The following OR11L1 variants were observed in gnomAD, a reference collection of about 807,000 sequenced individuals.
OR11L1 encodes olfactory receptor 11L1.
For missense variants in OR11L1, 397 were observed against 392.7 expected (o/e 1.01, Z -0.09); for synonymous variants, 164 against 159.1 (o/e 1.03, Z -0.23).
chr1:247,841,500 G>C lies in OR11L1; in HGVS notation c.397C>G (p.Pro133Ala), dbSNP rs1489354801. Residue 133 changes from proline to alanine, a missense_variant, in exon 1 of 1, where the codon CCC (proline) becomes GCC (alanine). Coordinates refer to ENST00000355784, the MANE Select transcript of OR11L1 (RefSeq NM_001001959.1). ...CAGAGCCCACGATGCATGAGGAAGGGGTAGCGGAGTGGGCTGCAGATGGCC... is the reference window on the plus strand; with the variant it reads ...CAGAGCCCACGATGCATGAGGAAGGCGTAGCGGAGTGGGCTGCAGATGGCC... Reference protein sequence around the residue: ...YLAICSPLRYPFLMHRGLCAR... With the variant: ...YLAICSPLRYAFLMHRGLCAR... The C allele has an allele frequency of 6.2e-7, 1 of 1,614,016 alleles. No homozygotes were observed.
At position 247,841,336 on chromosome 1, in the gene OR11L1, G is replaced by T. The variant is rs1413018370; in HGVS notation, c.561C>A (p.Leu187=). The T allele has an allele frequency of 5.0e-6, 8 of 1,614,012 alleles. No individual in the cohort carries two copies. The highest frequency in any genetic ancestry group is 1.1e-5 in the South Asian group (1 of 91,084). Residue 187 remains leucine, a synonymous_variant, in exon 1 of 1, where the codon CTC becomes CTA. Transcript: ENST00000355784. ...CGGTGATATAAACTCTGGAACAGGA[G>T]AGCTGCATGAGTGGCGGGAGGTCGC... is the stretch of plus-strand genomic sequence containing the variant. ...FFCDLPPLMQ[L]SCSRVYITEV... is the part of the protein sequence containing the mutation.
rs1409417230 is a variant in OR11L1 at position 247,841,690 on chromosome 1, C to G, written c.207G>C (p.Leu69=). Residue 69 remains leucine, a synonymous_variant, in exon 1 of 1, where the codon CTG becomes CTC. Coordinates refer to ENST00000355784, the MANE Select transcript of OR11L1 (RefSeq NM_001001959.1). ...CAGTGGTGGACGTGTACCAGACCTC[C>G]AGAAAGGAGAGATGCTGGAGGAACA... ...MYMFLQHLSF[L]EVWYTSTTVP... is the part of the protein sequence containing the mutation. 4 of 1,614,154 alleles carry G rather than the reference C, an allele frequency of 2.5e-6. No homozygotes were observed. The African/African-American group carries it at 4.0e-5, about 16-fold the overall frequency.
Position 247,841,423 on chromosome 1 carries a change from C to T in OR11L1, c.474G>A (p.Leu158=). 1 of 1,614,150 alleles carries T rather than the reference C, an allele frequency of 6.2e-7. No individual in the cohort carries two copies. Residue 158 remains leucine, a synonymous_variant, in exon 1 of 1, where the codon CTG becomes CTA. Transcript: ENST00000355784. ...SWCTGVSTGF[L]PSLMISRLDF... The stretch of plus-strand genomic sequence containing the variant: ...CCAACCTGGAAATCATCAGGGAAGG[C>T]AGAAAGCCTGTGCTGACCCCTGTGC...
Position 247,841,229 on chromosome 1 carries a change from G to A in OR11L1, c.668C>T (p.Ser223Phe), listed in dbSNP as rs920992546. Reference sequence around the variant, plus strand: ...GGTGGAAGGGATTCTCAATATGGAGGACACAATGAAAACATAGGGCCCCAG... The same window carrying A: ...GGTGGAAGGGATTCTCAATATGGAGAACACAATGAAAACATAGGGCCCCAG... ...LTLGPYVFIV[S>F]SILRIPSTSG... Residue 223 changes from serine to phenylalanine, a missense_variant, in exon 1 of 1, where the codon TCC becomes TTC. By Grantham distance (155) the Ser-to-Phe change is radical. Coordinates refer to ENST00000355784, the MANE Select transcript of OR11L1 (RefSeq NM_001001959.1). The A allele has an allele frequency of 4.3e-6, 7 of 1,614,084 alleles. No homozygotes were observed. The highest frequency in any genetic ancestry group is 5.9e-6 in the Non-Finnish European group (7 of 1,179,988).
At position 247,841,386 on chromosome 1, in the gene OR11L1, G is replaced by C; in HGVS notation, c.511C>G (p.Arg171Gly). 1 of 1,614,148 alleles carries C rather than the reference G, an allele frequency of 6.2e-7. No homozygotes were observed. The highest frequency in any genetic ancestry group is 8.5e-7 in the Non-Finnish European group (1 of 1,180,000). Residue 171 changes from arginine to glycine, a missense_variant, in exon 1 of 1, where the codon CGC becomes GGC. Physicochemically the swap from Arg to Gly is moderately radical, Grantham distance 125. Coordinates refer to ENST00000355784, the MANE Select transcript of OR11L1 (RefSeq NM_001001959.1). Reference protein sequence around the residue: ...LMISRLDFCGRNQINHFFCDL... With the variant: ...LMISRLDFCGGNQINHFFCDL... ...CAGAAGAAATGGTTAATCTGATTGC[G>C]CCCACAGAAGTCCAACCTGGAAATC...
Position 247,841,890 on chromosome 1 carries a change from G to A in OR11L1, c.7C>T (p.Pro3Ser). 6.2e-7 allele frequency: 1 copy of A among 1,610,900 alleles called. No homozygotes were observed. The highest frequency in any genetic ancestry group is 8.5e-7 in the Non-Finnish European group (1 of 1,178,254). ME[P>S]QNTSTVTNFQ... is the part of the protein sequence containing the mutation. ...TTAGTCACAGTGGAGGTATTTTGGG[G>A]CTCCATTGCCTGTGGGGGATGAAAA... Residue 3 changes from proline to serine, a missense_variant, in exon 1 of 1, where the codon CCC becomes TCC. By Grantham distance (74) the Pro-to-Ser change is moderately conservative (BLOSUM62 -1). Coordinates refer to ENST00000355784, the MANE Select transcript of OR11L1 (RefSeq NM_001001959.1).
chr1:247,841,135 G>C lies in OR11L1; in HGVS notation c.762C>G (p.Thr254=). The C allele has an allele frequency of 6.2e-7, 1 of 1,614,118 alleles. No homozygotes were observed. Among genetic ancestry groups the C allele is most frequent in the Non-Finnish European group, 8.5e-7 (1 of 1,180,000 alleles). The change falls in exon 1 of 1, where the codon ACC becomes ACG. Residue 254 remains threonine, a synonymous_variant. Transcript: ENST00000355784. ...HLAVVTLYYG[T]MISMYVCPSP... is the part of the protein sequence containing the mutation. ...TGGGACACACATACATGGAGATCAT[G>C]GTCCCGTAGTAGAGAGTGACAACAG...
chr1:247,841,268 C>A lies in OR11L1; in HGVS notation c.629G>T (p.Cys210Phe), dbSNP rs764855184. 1.9e-6 allele frequency: 3 copies of A among 1,614,182 alleles called. No homozygotes were observed. The highest frequency in any genetic ancestry group is 3.3e-5 in the Admixed American group (2 of 60,028). ...ATAGGGCCCCAGTGTCAGAAAAAAA[C>A]AAATGCACAGCACGGCAATTGACAG... ...FILSIAVLCI[C>F]FFLTLGPYVF... Residue 210 changes from cysteine (C) to phenylalanine (F), a missense_variant, in exon 1 of 1, where the codon TGT becomes TTT. Coordinates refer to ENST00000355784, the MANE Select transcript of OR11L1 (RefSeq NM_001001959.1).
rs772138263 is a variant in OR11L1 at position 247,841,372 on chromosome 1, G to A, written c.525C>T (p.Asn175=). The A allele has an allele frequency of 6.2e-7, 1 of 1,614,160 alleles. No homozygotes were observed. Among genetic ancestry groups the A allele is most frequent in the East Asian group, 2.2e-5 (1 of 44,864 alleles). The change falls in exon 1 of 1, where the codon AAC becomes AAT. Residue 175 remains asparagine, a synonymous_variant. Coordinates refer to ENST00000355784, the MANE Select transcript of OR11L1 (RefSeq NM_001001959.1). ...GTGGCGGGAGGTCGCAGAAGAAATG[G>A]TTAATCTGATTGCGCCCACAGAAGT... The part of the protein sequence containing the change: ...RLDFCGRNQI[N]HFFCDLPPLM...
Position 247,841,451 on chromosome 1 carries a change from C to G in OR11L1, c.446G>C (p.Trp149Ser). The stretch of plus-strand genomic sequence containing the variant: ...AAAGCCTGTGCTGACCCCTGTGCAC[C>G]AGGAGACCACCACCAACCTGGCACA... ...GLCARLVVVS[W>S]CTGVSTGFLP... Residue 149 changes from tryptophan (W) to serine (S), a missense_variant, in exon 1 of 1, where the codon TGG (tryptophan) becomes TCG (serine). By Grantham distance (177) the Trp-to-Ser change is radical. Coordinates refer to ENST00000355784, the MANE Select transcript of OR11L1 (RefSeq NM_001001959.1). 6.2e-7 allele frequency: 1 copy of G among 1,614,136 alleles called. No individual in the cohort carries two copies. Among genetic ancestry groups the G allele is most frequent in the South Asian group, 1.1e-5 (1 of 91,072 alleles).
chr1:247,841,765 G>C lies in OR11L1; in HGVS notation c.132C>G (p.Val44=). Residue 44 remains valine (V), a synonymous_variant, in exon 1 of 1, where the codon GTC becomes GTG. Transcript: ENST00000355784. The stretch of plus-strand genomic sequence containing the variant: ...GGCCCTGGCTCACCACGGTGATGAT[G>C]ACAACATTCCCTATAATGGTCAGGC... ...IYCLTIIGNV[V]IITVVSQGLR... 1 of 1,614,114 alleles carries C rather than the reference G, an allele frequency of 6.2e-7. No homozygotes were observed. The highest frequency in any genetic ancestry group is 1.7e-4 in the Middle Eastern group (1 of 6,058).
In OR11L1 at chr1:247,841,094, G is replaced by C; in HGVS notation, c.803C>G (p.Pro268Arg). Residue 268 changes from proline to arginine, a missense_variant, in exon 1 of 1, where the codon CCT becomes CGT. Transcript: ENST00000355784. ...MYVCPSPHLL[P>R]EINKIISVFY... Reference sequence around the variant, plus strand: ...GACAGAAATGATCTTGTTGATTTCAGGCAACAGGTGGGGACTGGGACACAC... The same window carrying C: ...GACAGAAATGATCTTGTTGATTTCACGCAACAGGTGGGGACTGGGACACAC... The C allele has an allele frequency of 6.2e-7, 1 of 1,614,140 alleles. No individual in the cohort carries two copies.
Position 247,841,760 on chromosome 1 carries a change from AT to A in OR11L1, c.136del (p.Ile46SerfsTer4). 1 of 1,614,202 alleles carries A rather than the reference AT, an allele frequency of 6.2e-7. No individual in the cohort carries two copies. Among genetic ancestry groups the A allele is most frequent in the Non-Finnish European group, 8.5e-7 (1 of 1,180,032 alleles). ...CLTIIGNVVI[I>X]TVVSQGLRLH... Reference sequence around the variant, plus strand: ...TCGCAGGCCCTGGCTCACCACGGTGATGATGACAACATTCCCTATAATGGTC... The same window carrying A: ...TCGCAGGCCCTGGCTCACCACGGTGAGATGACAACATTCCCTATAATGGTC... On this transcript the variant is annotated frameshift_variant, in exon 1 of 1. Coordinates refer to ENST00000355784, the MANE Select transcript of OR11L1 (RefSeq NM_001001959.1). LOFTEE classifies it low-confidence loss of function (END_TRUNC).
rs536628249 is a variant in OR11L1 at position 247,841,824 on chromosome 1, C to T, written c.73G>A (p.Ala25Thr). The change falls in exon 1 of 1, where the codon GCC becomes ACC. Residue 25 changes from alanine (A) to threonine (T), a missense_variant. By Grantham distance (58) the Ala-to-Thr change is moderately conservative. Transcript: ENST00000355784. ...LGFQNLLEWQ[A>T]LLFVIFLLIY... The stretch of plus-strand genomic sequence containing the variant: ...AGCAGGAAAATGACAAAGAGCAGGG[C>T]CTGCCATTCAAGAAGGTTCTGGAAT... The T allele has an allele frequency of 4.3e-6, 7 of 1,613,970 alleles. No homozygotes were observed. The highest frequency in any genetic ancestry group is 3.3e-5 in the South Asian group (3 of 91,048).
Position 247,841,212 on chromosome 1 carries a change from G to A in OR11L1, c.685C>T (p.Pro229Ser), listed in dbSNP as rs1336366809. ...GTCTTTCTCCGGCCAGAGGTGGAAG[G>A]GATTCTCAATATGGAGGACACAATG... ...VFIVSSILRI[P>S]STSGRRKTFS... is the part of the protein sequence containing the mutation. Residue 229 changes from proline to serine, a missense_variant, in exon 1 of 1, where the codon CCT becomes TCT. Coordinates refer to ENST00000355784, the MANE Select transcript of OR11L1 (RefSeq NM_001001959.1). The A allele has an allele frequency of 6.2e-7, 1 of 1,614,030 alleles. No homozygotes were observed. The highest frequency in any genetic ancestry group is 8.5e-7 in the Non-Finnish European group (1 of 1,180,032).
At position 247,841,378 on chromosome 1, in the gene OR11L1, C is replaced by T; in HGVS notation, c.519G>A (p.Gln173=). The T allele has an allele frequency of 6.2e-7, 1 of 1,614,148 alleles. No individual in the cohort carries two copies. The highest frequency in any genetic ancestry group is 1.3e-5 in the African/African-American group (1 of 75,040). The change falls in exon 1 of 1, where the codon CAG becomes CAA. Residue 173 remains glutamine (Q), a synonymous_variant. Coordinates refer to ENST00000355784, the MANE Select transcript of OR11L1 (RefSeq NM_001001959.1). ...ISRLDFCGRN[Q]INHFFCDLPP... is the part of the protein sequence containing the mutation. ...GGAGGTCGCAGAAGAAATGGTTAAT[C>T]TGATTGCGCCCACAGAAGTCCAACC...
Position 247,840,959 on chromosome 1 carries a change from C to T in OR11L1, c.938G>A (p.Trp313Ter). 2.5e-6 allele frequency: 4 copies of T among 1,613,786 alleles called. No homozygotes were observed. In the South Asian group the frequency reaches 4.4e-5, roughly 18 times the overall value. Residue 313 changes from tryptophan (W) to a stop codon, truncating the protein, a stop_gained, in exon 1 of 1, where the codon TGG (tryptophan) becomes TAG (stop). Transcript: ENST00000355784. LOFTEE classifies it low-confidence loss of function (END_TRUNC). ...KVMRRKCGIL[W>*]STSKRKFLY Reference sequence around the variant, plus strand: ...AAGGAACTTCCTTTTACTTGTACTCCATAGAATACCACATTTCCTTCTCAT... The same window carrying T: ...AAGGAACTTCCTTTTACTTGTACTCTATAGAATACCACATTTCCTTCTCAT...
rs1156719302 is a variant in OR11L1, at chr1:247,841,784, G to A, written c.113C>T (p.Thr38Ile). The A allele has an allele frequency of 6.2e-7, 1 of 1,614,152 alleles. No homozygotes were observed. Among genetic ancestry groups the A allele is most frequent in the Non-Finnish European group, 8.5e-7 (1 of 1,180,018 alleles). The change falls in exon 1 of 1, where the codon ACC (threonine) becomes ATC (isoleucine). Residue 38 changes from threonine to isoleucine, a missense_variant. Physicochemically the swap from Thr to Ile is moderately conservative, Grantham distance 89. Coordinates refer to ENST00000355784, the MANE Select transcript of OR11L1 (RefSeq NM_001001959.1). ...FVIFLLIYCL[T>I]IIGNVVIITV... The stretch of plus-strand genomic sequence containing the variant: ...GATGATGACAACATTCCCTATAATG[G>A]TCAGGCAGTAGATGAGCAGGAAAAT...
rs1361056609 is a variant in OR11L1 at position 247,841,758 on chromosome 1, T to C, written c.139A>G (p.Thr47Ala). 4 of 1,613,812 alleles carry C rather than the reference T, an allele frequency of 2.5e-6. No homozygotes were observed. The African/African-American group carries it at 4.0e-5, about 16-fold the overall frequency. ...AGTCGCAGGCCCTGGCTCACCACGGTGATGATGACAACATTCCCTATAATG... is the reference window on the plus strand; with the variant it reads ...AGTCGCAGGCCCTGGCTCACCACGGCGATGATGACAACATTCCCTATAATG... ...LTIIGNVVIITVVSQGLRLHS... is the reference protein window; with the variant it reads ...LTIIGNVVIIAVVSQGLRLHS... Residue 47 changes from threonine to alanine, a missense_variant, in exon 1 of 1, where the codon ACC becomes GCC. Thr to Ala is a moderately conservative substitution (Grantham distance 58, BLOSUM62 0). Coordinates refer to ENST00000355784, the MANE Select transcript of OR11L1 (RefSeq NM_001001959.1).
Sources: allele counts gnomAD v4.1 joint callset, GRCh38; gene constraint gnomAD v4.1.1; transcripts MANE v1.5; gene names NCBI Gene and HGNC (gene_info 2026-07-23, HGNC 2026-07-21).